The following SRSF4 variants were observed in gnomAD, a reference collection of about 807,000 sequenced individuals.
SRSF4 encodes the protein serine and arginine rich splicing factor 4, also known as serine/arginine-rich splicing factor 4.
Under a neutral mutation model 48.8 loss-of-function variants are expected in SRSF4, and 12 were observed. That is an observed-to-expected ratio of 0.25 (90% confidence interval 0.16 to 0.40). SRSF4 has a LOEUF of 0.40. SRSF4 is among the 10% of genes least tolerant of loss of function. The pLI is 1.00. For missense variants in SRSF4, 466 were observed against 667.1 expected (o/e 0.70, Z 3.32); for synonymous variants, 248 against 232.5 (o/e 1.07, Z -0.61).
At position 29,178,352 on chromosome 1, in the gene SRSF4, A is replaced by ACTT. The variant is rs796887146; in HGVS notation, c.107+3291_107+3293dup. Among the ~76,000 whole-genome samples, 186 of 129,138 alleles carry ACTT rather than the reference A, an allele frequency of 1.4e-3. 21 individuals carry two copies. Among genetic ancestry groups the ACTT allele is most frequent in the Middle Eastern group, 8.9e-3 (2 of 224 alleles). 84.7% of individuals were successfully genotyped at this position (129,138 alleles called of 152,430 possible). On this transcript the variant is annotated intron_variant, in intron 1 of 5. Transcript: ENST00000373795. ...CAAAATCTGTTTCTGAGTTTCAATT[A>ACTT]CTTTTTTTTTTGAGACAGAGTCTCG...
chr1:29,160,645 T>C, intron 1 of SRSF4, 128 bp from the exon 2 acceptor site: 1 of 1,072,588 alleles, frequency 9.3e-7, no homozygotes, highest in Non-Finnish European at 1.3e-6. Flanking sequence ...AGGATCAACT[T>C]TGTCTTCTCT....
At position 29,150,145 on chromosome 1, in the gene SRSF4, C is replaced by T. The variant is rs1672385675; in HGVS notation, c.626G>A (p.Gly209Asp). 6.2e-7 allele frequency: 1 copy of T among 1,613,994 alleles called. No homozygotes were observed. Among genetic ancestry groups the T allele is most frequent in the East Asian group, 2.2e-5 (1 of 44,886 alleles). ...RHSRKSRSRS[G>D]SSKSSHSKSR... ...CTTAGAATGACTGCTTTTGCTGCTGCCACTTCGGCTTCTGCTCTTACGGGA... is the reference window on the plus strand; with the variant it reads ...CTTAGAATGACTGCTTTTGCTGCTGTCACTTCGGCTTCTGCTCTTACGGGA... The change falls in exon 5 of 6, where the codon GGC (glycine) becomes GAC (aspartate). Residue 209 changes from glycine to aspartate, a missense_variant. This residue lies in a region of SRSF4 where 402 missense variants were observed against 437.0 expected (regional missense o/e 0.92). Transcript: ENST00000373795.
intron 3 of SRSF4, among the ~76,000 whole-genome samples, chr1:29,157,290 A>G (rs560019105): frequency 2.0e-5 from 3 of 152,262 alleles, no homozygotes; most frequent in Non-Finnish European, 4.4e-5. Flanking sequence ...GGCACCCCAT[A>G]AGCCTTTCCC....
chr1:29,157,781 G>T (rs543211376), intron 3 of SRSF4, among the ~76,000 whole-genome samples: 75 of 152,318 alleles, frequency 4.9e-4, no homozygotes, highest in Non-Finnish European at 8.8e-4. Context: ...AAGGGAGACA[G>T]AAAACAAAAC....
chr1:29,173,499 C>G (rs1672783556), intron 1 of SRSF4: 1 of 124,666 alleles, frequency 8.0e-6, no homozygotes, highest in East Asian at 2.6e-4. Flanking sequence ...TGGAGTCTCA[C>G]TCTGTTGCCC....
At chr1:29,155,742 C>G (rs1349296681) in intron 3 of SRSF4, among the ~76,000 whole-genome samples, 1 of 152,184 alleles carries the variant, frequency 6.6e-6, no homozygotes, top group Non-Finnish European at 1.5e-5. Context: ...ATCCACCTGC[C>G]TCAGCCTCCC....
chr1:29,175,617 C>A (rs1424598069), intron 1 of SRSF4, among the ~76,000 whole-genome samples: 3 of 137,282 alleles, frequency 2.2e-5, no homozygotes, highest in Non-Finnish European at 4.6e-5. Flanking sequence ...ATGGCGTGAA[C>A]CCAGGAGGCG....
chr1:29,177,993 A>G (rs1374070330), intron 1 of SRSF4, among the ~76,000 whole-genome samples: 1 of 139,010 alleles, frequency 7.2e-6, no homozygotes, highest in African/African-American at 2.7e-5. Context: ...TCCACCTCCC[A>G]GGTTCAAGCA....
At chr1:29,177,497 G>A (rs567548843) in intron 1 of SRSF4, among the ~76,000 whole-genome samples, 1 of 152,146 alleles carries the variant, frequency 6.6e-6, no homozygotes, top group Admixed American at 6.6e-5. Context: ...GGTCAGGCTG[G>A]TCTTGAACTT....
chr1:29,154,931 G>A, intron 3 of SRSF4, 21 bp from the exon 4 acceptor site: 1 of 1,598,474 alleles, frequency 6.3e-7, no homozygotes, highest in Non-Finnish European at 8.5e-7. Flanking sequence ...AAAAAAGTGT[G>A]ACTACATTAG....
At chr1:29,168,782 T>C (rs1195284927) in intron 1 of SRSF4, 1 of 152,100 alleles carries the variant, frequency 6.6e-6, no homozygotes, top group Non-Finnish European at 1.5e-5. Flanking sequence ...GATCTAGACG[T>C]GGTGGATGTG....
At chr1:29,181,889 ACGCGAGCACGCAGCT>A (rs1300317554) in exon 1 of SRSF4, 14 of 576,252 alleles carry the variant, frequency 2.4e-5, no homozygotes, top group Non-Finnish European at 3.4e-5. Context: ...CCGGCGACGT[ACGCGAGCACGCAGCT>A]CGCGAGCGCG....
In SRSF4 at chr1:29,181,822, A is replaced by G. The variant is rs1216963301; in HGVS notation, c.-70T>C. On this transcript the variant is annotated 5_prime_UTR_variant, in exon 1 of 6. Coordinates refer to ENST00000373795, the MANE Select transcript of SRSF4 (RefSeq NM_005626.5). The stretch of plus-strand genomic sequence containing the variant: ...AGGCGGCGGCGGGCAAAGCGAGAGC[A>G]CGGCGGCAGCGGCGGCGGCGGCAAC... 6.0e-6 allele frequency: 8 copies of G among 1,328,652 alleles called. No homozygotes were observed. Among genetic ancestry groups the G allele is most frequent in the African/African-American group, 3.1e-5 (2 of 65,338 alleles). 82.3% of individuals were successfully genotyped at this position (1,328,652 alleles called of 1,614,324 possible). A position where few individuals can be genotyped will look rare whatever the true frequency, so the allele number is the denominator to read the frequency against.
chr1:29,154,458 G>C, intron 4 of SRSF4: 1 of 489,472 alleles, frequency 2.0e-6, no homozygotes, highest in South Asian at 2.6e-5. Flanking sequence ...GCCTCCCAAA[G>C]TGCTGGGATT....
At chr1:29,173,949 G>A (rs1672793404) in intron 1 of SRSF4, among the ~76,000 whole-genome samples, 1 of 151,726 alleles carries the variant, frequency 6.6e-6, no homozygotes, top group Non-Finnish European at 1.5e-5. Context: ...AGCACTTTGG[G>A]AGGATGAGGT....
chr1:29,179,823 C>G (rs1289322256), intron 1 of SRSF4, among the ~76,000 whole-genome samples: 1 of 152,156 alleles, frequency 6.6e-6, no homozygotes, highest in Non-Finnish European at 1.5e-5. Context: ...TATTCAAGAG[C>G]AGAACTGTTT....
At chr1:29,152,182 ATTTTGCTAGC>A (rs1672420874) in intron 4 of SRSF4, among the ~76,000 whole-genome samples, 1 of 152,206 alleles carries the variant, frequency 6.6e-6, no homozygotes, top group South Asian at 2.1e-4. Context: ...ATTATTGCTA[ATTTTGCTAGC>A]TATGTTATCA....
chr1:29,160,183 T>C, intron 2 of SRSF4, 192 bp downstream of exon 2: 1 of 594,276 alleles, frequency 1.7e-6, no homozygotes, highest in Non-Finnish European at 2.7e-6. Context: ...AAACAAGAAA[T>C]TGTCATTAGT....
chr1:29,148,795 C>A lies in SRSF4; in HGVS notation c.1100G>T (p.Arg367Leu), dbSNP rs759506107. 1 of 1,610,226 alleles carries A rather than the reference C, an allele frequency of 6.2e-7. No individual in the cohort carries two copies. Residue 367 changes from arginine (R) to leucine (L), a missense_variant, in exon 6 of 6, where the codon CGC becomes CTC. Coordinates refer to ENST00000373795, the MANE Select transcript of SRSF4 (RefSeq NM_005626.5). ...CTCACTCTTGCTGCGGCTGCGACTGCGACTGCGGCTCTCCTCTCTGCTTCT... is the reference window on the plus strand; with the variant it reads ...CTCACTCTTGCTGCGGCTGCGACTGAGACTGCGGCTCTCCTCTCTGCTTCT... Reference protein sequence around the residue: ...RKRSREESRSRSRSRSKSERS... With the variant: ...RKRSREESRSLSRSRSKSERS...
Sources: allele counts gnomAD v4.1 joint callset (sites outside exome capture counted in the v4.1 genomes callset), GRCh38; gene constraint gnomAD v4.1.1; regional missense constraint gnomAD v4.1.1; transcripts MANE v1.5; gene names NCBI Gene and HGNC (gene_info 2026-07-23, HGNC 2026-07-21).